Variants in CHD4 observed in about 807,000 individuals in gnomAD.
The protein encoded by CHD4 is ATP-dependent chromatin remodeler CHD4.
A neutral mutation model predicts 235.5 loss-of-function variants in CHD4; 35 were observed. The observed-to-expected ratio is 0.15, with a 90% CI of 0.11 to 0.20. CHD4 has a LOEUF of 0.20. Among genes scored for constraint, CHD4 ranks in the 10% least tolerant of loss-of-function variants. CHD4 has a pLI of 1.00. For missense variants in CHD4, 1,329 were observed against 2,432.3 expected, an observed-to-expected ratio of 0.55 and a Z score of 9.54; for synonymous variants, 900 against 850.2, an observed-to-expected ratio of 1.06 and a Z score of -1.02.
chr12:6,596,039 T>G lies in CHD4; in HGVS notation c.1991A>C (p.Tyr664Ser). The G allele has an allele frequency of 6.2e-7, 1 of 1,613,656 alleles. No individual in the cohort carries two copies. Among genetic ancestry groups the G allele is most frequent in the East Asian group, 2.2e-5 (1 of 44,836 alleles). ...WESEDVEIQD[Y>S]DLFKQSYWNH... ...CCAATAGCTCTGCTTGAACAGGTCG[T>G]AATCCTGGATCTCCACATCCTCACT... The change falls in exon 13 of 40, where the codon TAC (tyrosine) becomes TCC (serine). Residue 664 changes from tyrosine (Y) to serine (S), a missense_variant. Tyr to Ser is a moderately radical substitution (Grantham distance 144). This residue lies in a region of CHD4 where 121 missense variants were observed against 177.8 expected (regional missense o/e 0.68). Transcript: ENST00000544040.
chr12:6,591,306 T>C, intron 22 of CHD4, 160 bp downstream of exon 22: 1 of 616,208 alleles, frequency 1.6e-6, no homozygotes, highest in Non-Finnish European at 2.8e-6. Flanking sequence ...CTAGGAATAG[T>C]CCAATACATT....
intron 2 of CHD4, 95 bp from the exon 3 acceptor site, chr12:6,602,592 C>T: frequency 6.8e-7 from 1 of 1,468,994 alleles, no homozygotes; most frequent in Non-Finnish European, 9.3e-7. Flanking sequence ...TTCCCCACCT[C>T]TTGTCCCAGA....
chr12:6,577,942 A>G (rs367790494), intron 36 of CHD4, 25 bp from the exon 37 acceptor site: 10 of 1,613,386 alleles, frequency 6.2e-6, no homozygotes, highest in Non-Finnish European at 7.6e-6. Flanking sequence ...CTCAGGAAAA[A>G]CAAAACAAGG....
At position 6,578,096 on chromosome 12, in the gene CHD4, C is replaced by T. The variant is rs1948103036; in HGVS notation, c.5161G>A (p.Val1721Ile). The stretch of plus-strand genomic sequence containing the variant: ...CAGATCTCATAAGTCTTCTTGGTAA[C>T]TGTGGCTGCCCGCTCTTCATTCTGC... ...LWQNEERAAT[V>I]TKKTYEIWHR... The change falls in exon 36 of 40, where the codon GTT (valine) becomes ATT (isoleucine). Residue 1721 changes from valine (V) to isoleucine (I), a missense_variant. By Grantham distance (29) the Val-to-Ile change is conservative (BLOSUM62 3). This residue lies in a region of CHD4 where 135 missense variants were observed against 282.3 expected (regional missense o/e 0.48). Transcript: ENST00000544040. 4.3e-6 allele frequency: 7 copies of T among 1,613,140 alleles called. No homozygotes were observed. The highest frequency in any genetic ancestry group is 5.9e-6 in the Non-Finnish European group (7 of 1,180,042).
intron 34 of CHD4, 103 bp from the exon 35 acceptor site, chr12:6,578,649 C>A: frequency 6.5e-7 from 1 of 1,543,338 alleles, no homozygotes; most frequent in Non-Finnish European, 8.8e-7. Context: ...ACCTACACCC[C>A]TTCTCCACCT....
chr12:6,581,421 G>C (rs771161802), intron 31 of CHD4, 33 bp from the exon 32 acceptor site: 1 of 1,594,834 alleles, frequency 6.3e-7, no homozygotes, highest in Non-Finnish European at 8.6e-7. Context: ...CAATTAGGAA[G>C]AAGGTACTAG....
At chr12:6,579,838 C>T (rs547499258) in intron 33 of CHD4, among the ~76,000 whole-genome samples, 130 of 151,344 alleles carry the variant, frequency 8.6e-4, no homozygotes, top group African/African-American at 2.8e-3. Flanking sequence ...GGGCGGATCA[C>T]GAGGTCAGGA....
intron 38 of CHD4, 113 bp downstream of exon 38, chr12:6,572,961 C>T: frequency 9.3e-7 from 1 of 1,070,284 alleles, no homozygotes; most frequent in Non-Finnish European, 1.3e-6. Flanking sequence ...CCTAGCACCT[C>T]CTAAACTCCC....
intron 30 of CHD4, 27 bp from the exon 31 acceptor site, chr12:6,581,841 G>A (rs1387291095): frequency 2.7e-6 from 4 of 1,502,678 alleles, no homozygotes; most frequent in African/African-American, 1.4e-5. Context: ...AGAAGTTGAA[G>A]ACCCAATTCC....
rs1402351780 is a variant in CHD4 at position 6,591,964 on chromosome 12, A to G, written c.3042T>C (p.Asp1014=). ...ATGGATGGTTGCAGCACTTCTTAAG[A>G]TCCATCACCACATTCAGCAGAGACA... is the stretch of plus-strand genomic sequence containing the variant. The part of the protein sequence containing the change: ...NQVSLLNVVM[D]LKKCCNHPYL... The change falls in exon 20 of 40, where the codon GAT becomes GAC. Residue 1014 remains aspartate (D), a synonymous_variant. Transcript: ENST00000544040. 6.2e-7 allele frequency: 1 copy of G among 1,614,206 alleles called. No individual in the cohort carries two copies. Among genetic ancestry groups the G allele is most frequent in the Non-Finnish European group, 8.5e-7 (1 of 1,180,040 alleles).
chr12:6,604,847 G>C (rs1239893292), intron 2 of CHD4, among the ~76,000 whole-genome samples: 1 of 152,154 alleles, frequency 6.6e-6, no homozygotes, highest in African/African-American at 2.4e-5. Flanking sequence ...CAACATGAAA[G>C]GCAGCCCCAG....
chr12:6,575,526 A>G (rs554938185), intron 37 of CHD4, among the ~76,000 whole-genome samples: 80 of 151,882 alleles, frequency 5.3e-4, no homozygotes, highest in African/African-American at 1.9e-3. Flanking sequence ...TGACCCCTAC[A>G]GTAAGTCACT....
chr12:6,581,374 T>C lies in CHD4; in HGVS notation c.4696A>G (p.Ile1566Val). 1 of 1,614,020 alleles carries C rather than the reference T, an allele frequency of 6.2e-7. No individual in the cohort carries two copies. Among genetic ancestry groups the C allele is most frequent in the South Asian group, 1.1e-5 (1 of 91,080 alleles). ...PVPPAEDGIK[I>V]EENSLKEEES... ...TCTTCTTTGAGGCTATTTTCCTCTA[T>C]TTTTATCCCATCTTCTGCAGAACAA... Residue 1566 changes from isoleucine (I) to valine (V), a missense_variant, in exon 32 of 40, where the codon ATA (isoleucine) becomes GTA (valine). Physicochemically the swap from Ile to Val is conservative, Grantham distance 29. Around this residue, in one of 26 missense-constraint regions of CHD4, gnomAD observed 219 missense variants for 219.3 expected, o/e 1.00. Coordinates refer to ENST00000544040, the MANE Select transcript of CHD4 (RefSeq NM_001273.5).
At chr12:6,596,818 G>A (rs1948506860) in intron 12 of CHD4, among the ~76,000 whole-genome samples, 1 of 151,012 alleles carries the variant, frequency 6.6e-6, no homozygotes, top group Non-Finnish European at 1.5e-5. Context: ...AAATTAGGCA[G>A]GCGTGGTGGC....
At chr12:6,599,648 A>C in intron 10 of CHD4, 125 bp downstream of exon 10, 13 of 1,185,808 alleles carry the variant, frequency 1.1e-5, no homozygotes, top group Non-Finnish European at 1.4e-5. Flanking sequence ...TATAGGATGA[A>C]GGAGAATACC....
chr12:6,599,872 C>G lies in CHD4; in HGVS notation c.1383G>C (p.Leu461=), dbSNP rs763810511. 6.2e-7 allele frequency: 1 copy of G among 1,614,016 alleles called. No homozygotes were observed. Among genetic ancestry groups the G allele is most frequent in the Non-Finnish European group, 8.5e-7 (1 of 1,180,028 alleles). ...FCRVCKDGGE[L]LCCDTCPSSY... ...AAGAAGGACAGGTATCACAGCAGAG[C>G]AGTTCCCCACCATCCTTGCAGACCC... Residue 461 remains leucine (L), a synonymous_variant, in exon 10 of 40, where the codon CTG becomes CTC. Coordinates refer to ENST00000544040, the MANE Select transcript of CHD4 (RefSeq NM_001273.5).
chr12:6,571,410 T>C (rs1387576441), intron 38 of CHD4: 1 of 194,280 alleles, frequency 5.1e-6, no homozygotes, highest in Non-Finnish European at 1.1e-5. Flanking sequence ...AGAAACAAAA[T>C]GTTGAAAGGG....
At chr12:6,594,216 C>T (rs189633857) in intron 15 of CHD4, among the ~76,000 whole-genome samples, 490 of 152,282 alleles carry the variant, frequency 3.2e-3, no homozygotes, top group Non-Finnish European at 4.7e-3. Flanking sequence ...CTCTATGGAT[C>T]CACTGCTAAT....
chr12:6,595,087 C>G (rs183701830), intron 14 of CHD4, among the ~76,000 whole-genome samples: 129 of 152,278 alleles, frequency 8.5e-4, no homozygotes, highest in African/African-American at 3.0e-3. Flanking sequence ...GCCCCTCCCC[C>G]CAGACAACAC....
Sources: allele counts gnomAD v4.1 joint callset (sites outside exome capture counted in the v4.1 genomes callset), GRCh38; gene constraint gnomAD v4.1.1; regional missense constraint gnomAD v4.1.1; transcripts MANE v1.5; gene names NCBI Gene and HGNC (gene_info 2026-07-23, HGNC 2026-07-21).